RBFOX1: variants seen among roughly 807,000 people sequenced by gnomAD.
RBFOX1 encodes the protein RNA binding fox-1 homolog 1, also known as RNA binding protein fox-1 homolog 1.
In RBFOX1, 8 loss-of-function variants were observed where a neutral mutation model predicts 57.7. That is an observed-to-expected ratio of 0.14 (90% confidence interval 0.08 to 0.25). RBFOX1 has a LOEUF of 0.25. RBFOX1 is among the 10% of genes least tolerant of loss of function. The probability of loss-of-function intolerance (pLI) is 1.00; values close to 1 mark genes in which losing one functional copy is unlikely to be tolerated. For synonymous variants in RBFOX1, 326 were observed against 222.4 expected, an observed-to-expected ratio of 1.47 and a Z score of -4.15; for missense variants, 611 against 548.5, an observed-to-expected ratio of 1.11 and a Z score of -1.14.
At chr16:5,533,016 G>A (rs528881195) in intron 2 of RBFOX1, among the ~76,000 whole-genome samples, 15 of 152,232 alleles carry the variant, frequency 9.9e-5, no homozygotes, top group South Asian at 4.2e-4. Flanking sequence ...ATTTTTAAAA[G>A]CATTGCAATG....
intron 3 of RBFOX1, among the ~76,000 whole-genome samples, chr16:6,760,625 A>G (rs1411899628): frequency 6.6e-6 from 1 of 152,220 alleles, no homozygotes; most frequent in East Asian, 1.9e-4. Context: ...ACTAGACTGA[A>G]TTGGGTGAGA....
At chr16:6,243,589 C>T (rs896435467) in intron 1 of RBFOX1, among the ~76,000 whole-genome samples, 8 of 152,130 alleles carry the variant, frequency 5.3e-5, no homozygotes, top group Non-Finnish European at 7.3e-5. Flanking sequence ...AATCATGGTC[C>T]GTATAGACTC....
intron 3 of RBFOX1, among the ~76,000 whole-genome samples, chr16:6,898,269 C>T (rs1468393962): frequency 6.6e-6 from 1 of 152,080 alleles, no homozygotes; most frequent in Non-Finnish European, 1.5e-5. Flanking sequence ...ACCTGCCATC[C>T]TCAAGCTGCC....
intron 2 of RBFOX1, among the ~76,000 whole-genome samples, chr16:5,534,147 G>A (rs1037149113): frequency 1.3e-5 from 2 of 152,128 alleles, no homozygotes; most frequent in Non-Finnish European, 2.9e-5. Flanking sequence ...CTAGTCAGGT[G>A]CCTAGGGTGT....
At chr16:7,086,093 C>A (rs905469028) in intron 4 of RBFOX1, among the ~76,000 whole-genome samples, 1 of 152,158 alleles carries the variant, frequency 6.6e-6, no homozygotes, top group South Asian at 2.1e-4. Context: ...GGTGGTGATT[C>A]TCTCCATCAT....
chr16:7,082,129 T>TTCCTTGGTATCCA (rs2059294798), intron 4 of RBFOX1, among the ~76,000 whole-genome samples: 2 of 151,808 alleles, frequency 1.3e-5, no homozygotes, highest in Non-Finnish European at 2.9e-5. Context: ...CTTGGTATCC[T>TTCCTTGGTATCCA]AATTCCCTGT....
chr16:6,924,217 G>C (rs1321157899), intron 3 of RBFOX1, among the ~76,000 whole-genome samples: 1 of 151,166 alleles, frequency 6.6e-6, no homozygotes, highest in Non-Finnish European at 1.5e-5. Context: ...CCTGAAACTG[G>C]GTAATTTATA....
At chr16:6,156,987 G>A (rs1197443558) in intron 1 of RBFOX1, among the ~76,000 whole-genome samples, 1 of 151,874 alleles carries the variant, frequency 6.6e-6, no homozygotes, top group East Asian at 1.9e-4. Context: ...CTGTAGGTGG[G>A]CAGTGACTAA....
intron 3 of RBFOX1, among the ~76,000 whole-genome samples, chr16:6,711,412 T>G (rs1212093874): frequency 6.6e-6 from 1 of 152,196 alleles, no homozygotes; most frequent in African/African-American, 2.4e-5. Context: ...GGTTTGACTC[T>G]GTGTCCCCAC....
At chr16:6,702,892 A>C (rs2062073808) in intron 3 of RBFOX1, among the ~76,000 whole-genome samples, 1 of 152,188 alleles carries the variant, frequency 6.6e-6, no homozygotes, top group African/African-American at 2.4e-5. Flanking sequence ...TTCCAAATGG[A>C]AACTTTGTAC....
intron 3 of RBFOX1, among the ~76,000 whole-genome samples, chr16:6,676,850 A>G (rs2057802601): frequency 6.6e-6 from 1 of 150,904 alleles, no homozygotes; most frequent in African/African-American, 2.4e-5. Context: ...TAATTTTTGT[A>G]TTTTTAGTAG....
chr16:7,393,367 A>T (rs4360959), intron 4 of RBFOX1, among the ~76,000 whole-genome samples: 12,329 of 152,218 alleles, frequency 0.081, 538 homozygotes, highest in East Asian at 0.2. Flanking sequence ...ATGTCAATCC[A>T]CAAGTTTTCT....
chr16:6,527,097 T>G (rs953286658), intron 2 of RBFOX1, among the ~76,000 whole-genome samples: 1 of 152,086 alleles, frequency 6.6e-6, no homozygotes, highest in African/African-American at 2.4e-5. Flanking sequence ...CCCATTGCCT[T>G]TCTTTTTAAA....
chr16:5,332,139 C>T (rs1596545780), intron 1 of RBFOX1, among the ~76,000 whole-genome samples: 1 of 152,192 alleles, frequency 6.6e-6, no homozygotes, highest in Non-Finnish European at 1.5e-5. Flanking sequence ...CTACCTTTCT[C>T]CTTGGCTTCT....
At chr16:6,875,002 C>A (rs528047271) in intron 3 of RBFOX1, among the ~76,000 whole-genome samples, 1 of 152,144 alleles carries the variant, frequency 6.6e-6, no homozygotes, top group South Asian at 2.1e-4. Context: ...AAAATGATTC[C>A]AAGTTGGGCA....
chr16:6,935,795 A>G (rs2077268478), intron 3 of RBFOX1, among the ~76,000 whole-genome samples: 1 of 152,186 alleles, frequency 6.6e-6, no homozygotes, highest in Non-Finnish European at 1.5e-5. Flanking sequence ...TCAAGCACAG[A>G]GCATGCATGT....
intron 1 of RBFOX1, among the ~76,000 whole-genome samples, chr16:5,312,098 G>C (rs947743526): frequency 6.6e-6 from 1 of 152,126 alleles, no homozygotes; most frequent in Non-Finnish European, 1.5e-5. Flanking sequence ...GCAAAGGGTC[G>C]GTTTGCTATT....
chr16:5,246,306 G>A (rs1041881214), intron 1 of RBFOX1, among the ~76,000 whole-genome samples: 9 of 152,180 alleles, frequency 5.9e-5, no homozygotes, highest in Non-Finnish European at 1.3e-4. Context: ...TGTAAAGAGA[G>A]TATCTTGTTT....
intron 1 of RBFOX1, among the ~76,000 whole-genome samples, chr16:6,050,296 T>C (rs1427394458): frequency 6.6e-6 from 1 of 152,132 alleles, no homozygotes; most frequent in East Asian, 1.9e-4. Context: ...TTCTCCCATA[T>C]TTTTGTGTGT....
Sources: gnomAD v4.1 joint callset for allele counts (sites outside exome capture counted in the v4.1 genomes callset) on GRCh38, gnomAD v4.1.1 for gene constraint, MANE v1.5 for transcripts, NCBI Gene and HGNC (gene_info 2026-07-23, HGNC 2026-07-21) for gene names.